The following RPN1 variants were observed in gnomAD, a reference collection of about 807,000 sequenced individuals.
RPN1 encodes ribophorin I.
A neutral mutation model predicts 55.5 loss-of-function variants in RPN1; 12 were observed. The observed-to-expected ratio is 0.22, with a 90% confidence interval of 0.14 to 0.35. RPN1 has a LOEUF of 0.35. Among genes scored for constraint, RPN1 ranks in the 10% least tolerant of loss-of-function variants. RPN1 has a pLI of 1.00. For synonymous variants in RPN1, 317 were observed against 305.9 expected (o/e 1.04, Z -0.38); for missense variants, 679 against 761.3 (o/e 0.89, Z 1.27).
At position 128,622,158 on chromosome 3, in the gene RPN1, A is replaced by T; in HGVS notation, c.1641+6T>A. 1 of 1,613,798 alleles carries T rather than the reference A, an allele frequency of 6.2e-7. No homozygotes were observed. The highest frequency in any genetic ancestry group is 8.5e-7 in the Non-Finnish European group (1 of 1,179,744). On this transcript the variant is annotated splice_donor_region_variant and intron_variant, in intron 9 of 9. Transcript: ENST00000296255. ...GCCAAGCAACTCTGTGACGCCCGAC[A>T]CTTACTCTGTCGCACAGATCAGAGC...
chr3:128,627,061 CAG>C, intron 5 of RPN1: 4 of 525,234 alleles, frequency 7.6e-6, no homozygotes, highest in Non-Finnish European at 1.4e-5. Context: ...TTCACGTTAT[CAG>C]TGTCTGTGAA....
At chr3:128,632,813 T>C (rs1293862327) in intron 3 of RPN1, among the ~76,000 whole-genome samples, 2 of 152,238 alleles carry the variant, frequency 1.3e-5, no homozygotes, top group Non-Finnish European at 2.9e-5. Context: ...CAAGCTGGTC[T>C]CGAACCCCTG....
intron 9 of RPN1, among the ~76,000 whole-genome samples, chr3:128,621,934 G>A (rs1047459810): frequency 2.6e-5 from 4 of 152,236 alleles, no homozygotes; most frequent in Non-Finnish European, 2.9e-5. Flanking sequence ...ACAAGGGCAC[G>A]CAGTGCTGAC....
intron 1 of RPN1, among the ~76,000 whole-genome samples, chr3:128,647,729 G>A (rs934469302): frequency 2.0e-5 from 3 of 151,188 alleles, no homozygotes; most frequent in Non-Finnish European, 1.5e-5. Flanking sequence ...TAGTATATGT[G>A]TGTGTATCAG....
Position 128,650,807 on chromosome 3 carries a change from G to C in RPN1, c.-7C>G, listed in dbSNP as rs1174075889. On this transcript the variant is annotated 5_prime_UTR_variant, in exon 1 of 10. Transcript: ENST00000296255. Reference sequence around the variant, plus strand: ...CGGCGGCTGGCGCCTCCATGACCGGGAAGAGCAGTGCGCCAGGGCGGGTAG... The same window carrying C: ...CGGCGGCTGGCGCCTCCATGACCGGCAAGAGCAGTGCGCCAGGGCGGGTAG... 3 of 1,516,370 alleles carry C rather than the reference G, an allele frequency of 2.0e-6. No homozygotes were observed. The highest frequency in any genetic ancestry group is 2.1e-5 in the Admixed American group (1 of 48,066). 93.9% of individuals were successfully genotyped at this position (1,516,370 alleles called of 1,614,324 possible). A position where few individuals can be genotyped will look rare whatever the true frequency, so the allele number is the denominator to read the frequency against.
chr3:128,643,582 G>A (rs773067813), intron 2 of RPN1, among the ~76,000 whole-genome samples: 1 of 151,968 alleles, frequency 6.6e-6, no homozygotes, highest in Non-Finnish European at 1.5e-5. Flanking sequence ...GATCACCTGA[G>A]GTCAGGAGTT....
Position 128,622,429 on chromosome 3 carries a change from CATGT to C in RPN1, c.1396-24_1396-21del. On this transcript the variant is annotated intron_variant, in intron 8 of 9. Coordinates refer to ENST00000296255, the MANE Select transcript of RPN1 (RefSeq NM_002950.4). ...TGGATCCTGAAGGAAGGAGAGGCAC[CATGT>C]GTGACAACATCCAGGCTTGGGTCCA... 6.2e-7 allele frequency: 1 copy of C among 1,613,334 alleles called. No homozygotes were observed. Among genetic ancestry groups the C allele is most frequent in the Non-Finnish European group, 8.5e-7 (1 of 1,179,560 alleles).
chr3:128,620,249 A>T lies in RPN1; in HGVS notation c.*162T>A, dbSNP rs1289364963. On this transcript the variant is annotated 3_prime_UTR_variant, in exon 10 of 10. Transcript: ENST00000296255. Reference sequence around the variant, plus strand: ...AAAAAGAAAGTTAAGGACAAACGGCAAACTCACACTGCCTGACGCAGGGCC... The same window carrying T: ...AAAAAGAAAGTTAAGGACAAACGGCTAACTCACACTGCCTGACGCAGGGCC... 6.6e-6 allele frequency: 3 copies of T among 451,444 alleles called. No homozygotes were observed. In the Admixed American group the frequency reaches 1.3e-4, roughly 20 times the overall value. The allele number at this position is 451,444 out of a possible 1,614,324, so 28.0% of individuals were successfully genotyped here. A position where few individuals can be genotyped will look rare whatever the true frequency, so the allele number is the denominator to read the frequency against.
chr3:128,632,024 A>G lies in RPN1; in HGVS notation c.767T>C (p.Val256Ala). Reference sequence around the variant, plus strand: ...ATAGCGTGAGAAAGGCCCCTTAAGCACAGCTCCTGTGTGCTTTAAGTCCAC... The same window carrying G: ...ATAGCGTGAGAAAGGCCCCTTAAGCGCAGCTCCTGTGTGCTTTAAGTCCAC... ...ENVDLKHTGAVLKGPFSRYDY... is the reference protein window; with the variant it reads ...ENVDLKHTGAALKGPFSRYDY... The change falls in exon 4 of 10, where the codon GTG (valine) becomes GCG (alanine). Residue 256 changes from valine (V) to alanine (A), a missense_variant. Transcript: ENST00000296255. The G allele has an allele frequency of 6.2e-7, 1 of 1,614,154 alleles. No homozygotes were observed. The highest frequency in any genetic ancestry group is 1.1e-5 in the South Asian group (1 of 91,084).
Position 128,628,967 on chromosome 3 carries a change from T to G in RPN1, c.1036+984A>C, listed in dbSNP as rs190928351. On this transcript the variant is annotated intron_variant, in intron 5 of 9. Coordinates refer to ENST00000296255, the MANE Select transcript of RPN1 (RefSeq NM_002950.4). The stretch of plus-strand genomic sequence containing the variant: ...AAGAAAAACAGATGTAGGTATTAAC[T>G]GCAGATTAATAGATAAGGCAAATTG... Among the ~76,000 whole-genome samples the G allele has an allele frequency of 2.6e-5, 4 of 152,186 alleles. No individual in the cohort carries two copies. The East Asian group carries it at 5.8e-4, about 22-fold the overall frequency.
chr3:128,625,606 C>T lies in RPN1; in HGVS notation c.1323G>A (p.Leu441=), dbSNP rs747352729. 4 of 1,614,108 alleles carry T rather than the reference C, an allele frequency of 2.5e-6. No individual in the cohort carries two copies. The highest frequency in any genetic ancestry group is 3.4e-6 in the Non-Finnish European group (4 of 1,180,010). Residue 441 remains leucine (L), a synonymous_variant, in exon 8 of 10, where the codon CTG becomes CTA. Coordinates refer to ENST00000296255, the MANE Select transcript of RPN1 (RefSeq NM_002950.4). ...ACAGGATGTAGAAGGCCGCCACCAC[C>T]AGCAGGGGCTCCTGCAGCATGAGCA... The part of the protein sequence containing the change: ...NKVLMLQEPL[L]VVAAFYILFF...
At chr3:128,634,624 G>A (rs1039483509) in intron 3 of RPN1, among the ~76,000 whole-genome samples, 2 of 147,690 alleles carry the variant, frequency 1.4e-5, no homozygotes, top group African/African-American at 5.0e-5. Context: ...GTGCAATGAC[G>A]CGATCTTGGC....
intron 3 of RPN1, among the ~76,000 whole-genome samples, chr3:128,632,818 C>G (rs1382501110): frequency 3.3e-5 from 5 of 152,202 alleles, no homozygotes; most frequent in Non-Finnish European, 7.3e-5. Context: ...TGGTCTCGAA[C>G]CCCTGACCTC....
chr3:128,621,520 G>C (rs2069559415), intron 9 of RPN1, among the ~76,000 whole-genome samples: 1 of 152,252 alleles, frequency 6.6e-6, no homozygotes, highest in South Asian at 2.1e-4. Flanking sequence ...AAAAGTGGTA[G>C]GTGCTATGAG....
At chr3:128,638,947 CAG>C (rs1392854696) in intron 2 of RPN1, among the ~76,000 whole-genome samples, 1 of 151,088 alleles carries the variant, frequency 6.6e-6, no homozygotes, top group African/African-American at 2.4e-5. Context: ...GCCTGGGTGA[CAG>C]AGAGAGACTC....
intron 3 of RPN1, among the ~76,000 whole-genome samples, chr3:128,637,186 T>C (rs1468992917): frequency 6.6e-6 from 1 of 151,942 alleles, no homozygotes; most frequent in African/African-American, 2.4e-5. Context: ...TACAGTGAGC[T>C]ATGATTATGC....
intron 5 of RPN1, among the ~76,000 whole-genome samples, chr3:128,628,078 T>C (rs1267162554): frequency 1.0e-5 from 1 of 98,880 alleles, no homozygotes; most frequent in East Asian, 2.7e-4. Flanking sequence ...GCCAACATAG[T>C]GAAACCCCAT....
chr3:128,631,302 T>C (rs1185023424), intron 4 of RPN1, among the ~76,000 whole-genome samples: 1 of 150,786 alleles, frequency 6.6e-6, no homozygotes, highest in African/African-American at 2.4e-5. Context: ...GGAGAAACCC[T>C]GTCTCTACTA....
At chr3:128,625,818 C>T in intron 7 of RPN1, 56 bp downstream of exon 7, 1 of 1,573,020 alleles carries the variant, frequency 6.4e-7, no homozygotes, top group Non-Finnish European at 8.7e-7. Flanking sequence ...TTCTTGGCCC[C>T]CAGAGCCCAC....
Sources: allele counts gnomAD v4.1 joint callset (sites outside exome capture counted in the v4.1 genomes callset), GRCh38; gene constraint gnomAD v4.1.1; transcripts MANE v1.5; gene names NCBI Gene and HGNC (gene_info 2026-07-23, HGNC 2026-07-21).